The following NKAIN2 variants were observed in gnomAD, a reference collection of about 807,000 sequenced individuals.
NKAIN2 encodes the protein sodium/potassium transporting ATPase interacting 2, also known as sodium/potassium-transporting ATPase subunit beta-1-interacting protein 2.
Under a neutral mutation model 32.6 loss-of-function variants are expected in NKAIN2, and 14 were observed. The observed-to-expected ratio is 0.43, with a 90% CI of 0.28 to 0.67. NKAIN2 has a LOEUF of 0.67. Among genes scored for constraint, NKAIN2 ranks in the 30% least tolerant of loss-of-function variants. The pLI is 0.17. For missense variants in NKAIN2, 198 were observed against 258.3 expected, an observed-to-expected ratio of 0.77 and a Z score of 1.60; for synonymous variants, 80 against 87.2, an observed-to-expected ratio of 0.92 and a Z score of 0.46.
chr6:124,040,537 T>G (rs1272481851), intron 1 of NKAIN2, among the ~76,000 whole-genome samples: 1 of 152,058 alleles, frequency 6.6e-6, no homozygotes, highest in Non-Finnish European at 1.5e-5. Flanking sequence ...TTTTAATTTT[T>G]GTTGTTTTTA....
intron 1 of NKAIN2, among the ~76,000 whole-genome samples, chr6:123,945,957 C>T (rs1001926672): frequency 6.6e-6 from 1 of 152,180 alleles, no homozygotes; most frequent in Non-Finnish European, 1.5e-5. Flanking sequence ...CTGTTTCTGA[C>T]ACTGTATCAT....
intron 3 of NKAIN2, among the ~76,000 whole-genome samples, chr6:124,461,482 C>G (rs1256977043): frequency 6.6e-6 from 1 of 151,542 alleles, no homozygotes; most frequent in Non-Finnish European, 1.5e-5. Flanking sequence ...TTTTTATCTC[C>G]TTCTTAATTA....
rs71561805 is a variant in NKAIN2 at position 124,688,995 on chromosome 6, G to C, written c.474+30609G>C. On this transcript the variant is annotated intron_variant, in intron 4 of 6. Transcript: ENST00000368417. ...TTCAACTCATTTGAGTAAATACCAA[G>C]GAGCACAATTGCTAGTTCATTTGGT... Among the ~76,000 whole-genome samples the C allele has an allele frequency of 6.7e-3, 1,019 of 152,216 alleles. 1 individual carries two copies. The highest frequency in any genetic ancestry group is 1.0e-2 in the Non-Finnish European group (677 of 67,984).
At chr6:124,479,016 A>G (rs187302870) in intron 3 of NKAIN2, among the ~76,000 whole-genome samples, 4 of 152,278 alleles carry the variant, frequency 2.6e-5, no homozygotes, top group Admixed American at 2.6e-4. Context: ...TCCCCAAAAC[A>G]TAGTACCCTA....
At chr6:124,058,966 G>T (rs1426581679) in intron 1 of NKAIN2, among the ~76,000 whole-genome samples, 1 of 152,018 alleles carries the variant, frequency 6.6e-6, no homozygotes, top group African/African-American at 2.4e-5. Context: ...GAGGGTGAAT[G>T]AGGGTACTAT....
chr6:124,411,070 T>C (rs1424747886), intron 3 of NKAIN2, among the ~76,000 whole-genome samples: 2 of 152,034 alleles, frequency 1.3e-5, no homozygotes, highest in Non-Finnish European at 1.5e-5. Context: ...TGAGCCTATG[T>C]GTGTCTCTGC....
chr6:124,061,945 A>C lies in NKAIN2; in HGVS notation c.55-221060A>C, dbSNP rs1323918335. Among the ~76,000 whole-genome samples, 6 of 152,318 alleles carry C rather than the reference A, an allele frequency of 3.9e-5. No individual in the cohort carries two copies. In the South Asian group the frequency reaches 1.2e-3, roughly 32 times the overall value. On this transcript the variant is annotated intron_variant, in intron 1 of 6. Transcript: ENST00000368417. ...AGAGCTAGAGATAAGAGAATGGAGAAAATAACAAAGAAAAAGAATGTGTGT... is the reference window on the plus strand; with the variant it reads ...AGAGCTAGAGATAAGAGAATGGAGACAATAACAAAGAAAAAGAATGTGTGT...
intron 3 of NKAIN2, among the ~76,000 whole-genome samples, chr6:124,585,123 G>T (rs1302772351): frequency 1.3e-5 from 2 of 152,156 alleles, no homozygotes. Context: ...GTACTGTTCA[G>T]CCACAAAAAA....
intron 1 of NKAIN2, among the ~76,000 whole-genome samples, chr6:123,994,041 T>C (rs150751323): frequency 7.9e-5 from 12 of 152,258 alleles, no homozygotes; most frequent in African/African-American, 2.9e-4. Flanking sequence ...CCATCACTGC[T>C]TCTTCCCCAG....
chr6:124,295,727 T>C (rs1001230333), intron 2 of NKAIN2, among the ~76,000 whole-genome samples: 2 of 152,166 alleles, frequency 1.3e-5, no homozygotes, highest in South Asian at 4.1e-4. Flanking sequence ...CTTTCAGATA[T>C]CGGATATCAA....
chr6:124,453,440 T>C (rs1776197515), intron 3 of NKAIN2, among the ~76,000 whole-genome samples: 1 of 151,662 alleles, frequency 6.6e-6, no homozygotes, highest in South Asian at 2.1e-4. Context: ...GAATGATATA[T>C]GATTTGCATT....
At chr6:124,429,204 A>ATT (rs34137588) in intron 3 of NKAIN2, among the ~76,000 whole-genome samples, 19 of 141,748 alleles carry the variant, frequency 1.3e-4, no homozygotes, top group African/African-American at 4.9e-4. Flanking sequence ...CTCCTGGCTA[A>ATT]TTTTTTTTTT....
chr6:124,717,471 C>G (rs536330316), intron 4 of NKAIN2, among the ~76,000 whole-genome samples: 1 of 152,050 alleles, frequency 6.6e-6, no homozygotes, highest in African/African-American at 2.4e-5. Context: ...CATATTCATT[C>G]GTGTTGAGTT....
intron 3 of NKAIN2, among the ~76,000 whole-genome samples, chr6:124,610,795 A>C (rs966363855): frequency 2.6e-5 from 4 of 152,176 alleles, no homozygotes; most frequent in Admixed American, 2.0e-4. Context: ...AAAATGAATA[A>C]AATTTTAAGT....
intron 1 of NKAIN2, among the ~76,000 whole-genome samples, chr6:124,160,470 T>C (rs1788216015): frequency 6.6e-6 from 1 of 152,154 alleles, no homozygotes; most frequent in Non-Finnish European, 1.5e-5. Context: ...TGCTACATAC[T>C]GTATGTATAT....
chr6:123,998,743 CTGTGTGTG>C (rs34410164), intron 1 of NKAIN2, among the ~76,000 whole-genome samples: 8 of 134,226 alleles, frequency 6.0e-5, no homozygotes, highest in Admixed American at 1.5e-4. Context: ...CTCTCTCTCT[CTGTGTGTG>C]TGTGTGTGTG....
chr6:124,617,195 A>G lies in NKAIN2; in HGVS notation c.274-40991A>G, dbSNP rs547153630. Among the ~76,000 whole-genome samples the G allele has an allele frequency of 2.0e-5, 3 of 152,376 alleles. No individual in the cohort carries two copies. In the East Asian group the frequency reaches 5.8e-4, roughly 29 times the overall value. ...ACAAATAGTTGCTCTTTTAGGGCTT[A>G]GTACTTAGTGCTCAGCAACTGGTAG... is the stretch of plus-strand genomic sequence containing the variant. On this transcript the variant is annotated intron_variant, in intron 3 of 6. Coordinates refer to ENST00000368417, the MANE Select transcript of NKAIN2 (RefSeq NM_001040214.3).
intron 1 of NKAIN2, among the ~76,000 whole-genome samples, chr6:124,058,716 T>G (rs542381403): frequency 6.6e-6 from 1 of 152,194 alleles, no homozygotes; most frequent in South Asian, 2.1e-4. Flanking sequence ...ATATTTTAAA[T>G]GAATGGAAGA....
intron 1 of NKAIN2, among the ~76,000 whole-genome samples, chr6:124,267,447 C>T (rs188437432): frequency 7.2e-6 from 1 of 138,866 alleles, no homozygotes; most frequent in Non-Finnish European, 1.5e-5. Flanking sequence ...AGTTCGAGAC[C>T]AGCGTGGCCA....
Sources: allele counts gnomAD v4.1 joint callset (sites outside exome capture counted in the v4.1 genomes callset), GRCh38; gene constraint gnomAD v4.1.1; transcripts MANE v1.5; gene names NCBI Gene and HGNC (gene_info 2026-07-23, HGNC 2026-07-21).